MBOAT7: variants seen among roughly 807,000 people sequenced by gnomAD.
MBOAT7 encodes the protein membrane bound acylglycerophosphatidylinositol O-acyltransferase MBOAT7.
MBOAT7 carries 40 observed loss-of-function variants against 47.4 expected under a neutral mutation model. That is an observed-to-expected ratio of 0.84 (90% confidence interval 0.66 to 1.10). The LOEUF (loss-of-function observed/expected upper bound fraction) is 1.10. Ranked by LOEUF, MBOAT7 falls within the 50% of genes least tolerant of loss-of-function variation. MBOAT7 has a pLI of 0.00. For missense variants in MBOAT7, 680 were observed against 655.6 expected (o/e 1.04, Z -0.41); for synonymous variants, 361 against 292.0 (o/e 1.24, Z -2.41).
chr19:54,183,696 T>C lies in MBOAT7; in HGVS notation c.334-16A>G, dbSNP rs762414641. The C allele has an allele frequency of 3.5e-5, 54 of 1,532,090 alleles. No individual in the cohort carries two copies. Among genetic ancestry groups the C allele is most frequent in the Admixed American group, 2.4e-4 (11 of 46,720 alleles). 94.9% of individuals were successfully genotyped at this position (1,532,090 alleles called of 1,614,324 possible). A position where few individuals can be genotyped will look rare whatever the true frequency, so the allele number is the denominator to read the frequency against. ...GGCTCACCAGCTGGGCAGAAGGGGG[T>C]GGGCAAGGGGCCAGGTCAGACTCTG... is the stretch of plus-strand genomic sequence containing the variant. On this transcript the variant is annotated splice_polypyrimidine_tract_variant and intron_variant, in intron 4 of 7. Transcript: ENST00000245615.
intron 5 of MBOAT7, among the ~76,000 whole-genome samples, chr19:54,182,980 C>A (rs1465292821): frequency 2.0e-5 from 3 of 150,858 alleles, no homozygotes; most frequent in African/African-American, 7.3e-5. Flanking sequence ...GGATTACAGG[C>A]GTGAGCCACT....
chr19:54,181,697 AGGAGGGAAGGAAGAAGGGAG>A, intron 5 of MBOAT7, among the ~76,000 whole-genome samples: 1 of 73,438 alleles, frequency 1.4e-5, no homozygotes, highest in Non-Finnish European at 2.6e-5. Context: ...GAGGGAGGGA[AGGAGGGAAGGAAGAAGGGAG>A]GGAAGGAGGG....
intron 5 of MBOAT7, among the ~76,000 whole-genome samples, chr19:54,182,893 G>T (rs2076327834): frequency 6.6e-6 from 1 of 152,004 alleles, no homozygotes; most frequent in African/African-American, 2.4e-5. Context: ...TAGAGACGGG[G>T]TTTCACCATG....
At chr19:54,174,859 C>T (rs976911651) in intron 7 of MBOAT7, among the ~76,000 whole-genome samples, 5 of 152,186 alleles carry the variant, frequency 3.3e-5, no homozygotes, top group Non-Finnish European at 7.3e-5. Flanking sequence ...GAGCTCGCAG[C>T]CTTCCATACA....
chr19:54,181,245 G>T, intron 5 of MBOAT7, 112 bp from the exon 6 acceptor site: 1 of 1,310,250 alleles, frequency 7.6e-7, no homozygotes, highest in Non-Finnish European at 1.0e-6. Context: ...AGTGAGAGGG[G>T]CAGAGACTGG....
At position 54,174,271 on chromosome 19, in the gene MBOAT7, C is replaced by G; in HGVS notation, c.1192G>C (p.Val398Leu). ...SPGGQKAWDW[V>L]HWFLKMRAYD... ...GCGCGCATCTTCAGGAACCAGTGCA[C>G]CCAGTCCCAGGCCTTCTGGCCCCCT... Residue 398 changes from valine (V) to leucine (L), a missense_variant, in exon 8 of 8, where the codon GTG becomes CTG. Physicochemically the swap from Val to Leu is conservative, Grantham distance 32 (BLOSUM62 1). Coordinates refer to ENST00000245615, the MANE Select transcript of MBOAT7 (RefSeq NM_024298.5). 2 of 1,612,146 alleles carry G rather than the reference C, an allele frequency of 1.2e-6. No homozygotes were observed. Among genetic ancestry groups the G allele is most frequent in the South Asian group, 2.2e-5 (2 of 90,892 alleles).
At chr19:54,175,237 CA>C (rs2076073413) in intron 7 of MBOAT7, among the ~76,000 whole-genome samples, 1 of 152,160 alleles carries the variant, frequency 6.6e-6, no homozygotes, top group Non-Finnish European at 1.5e-5. Flanking sequence ...CTTGGCCTCC[CA>C]AAGTGCTGGG....
intron 4 of MBOAT7, among the ~76,000 whole-genome samples, chr19:54,185,741 G>A (rs1475438873): frequency 1.3e-5 from 2 of 152,076 alleles, no homozygotes; most frequent in Non-Finnish European, 2.9e-5. Context: ...GAAGGCCCAG[G>A]CTGGAGTGCA....
In MBOAT7 at chr19:54,188,059, AAGAAAGAAAGAC is replaced by A. The variant is rs1373193967; in HGVS notation, c.206+146_206+157del. Among the ~76,000 whole-genome samples the A allele has an allele frequency of 4.4e-3, 234 of 52,654 alleles. 2 individuals carry two copies. Among genetic ancestry groups the A allele is most frequent in the South Asian group, 0.034 (56 of 1,658 alleles). The allele number at this position is 52,654 out of a possible 152,430, so 34.5% of individuals were successfully genotyped here. ...AAAGAAAGAAAGAAAGAAAGAAAGA[AAGAAAGAAAGAC>A]AAACAAACAAACATGAAACAGAGAA... On this transcript the variant is annotated intron_variant, in intron 3 of 7. Coordinates refer to ENST00000245615, the MANE Select transcript of MBOAT7 (RefSeq NM_024298.5).
Position 54,174,412 on chromosome 19 carries a change from G to A in MBOAT7, c.1051C>T (p.Leu351=). ...YVLRSAWTML[L]SAYWHGLHPG... ...TGGAGGCCGTGCCAGTAGGCGCTCA[G>A]CAGCATGGTCCAGGCGCTCCTGAGG... Residue 351 remains leucine, a synonymous_variant, in exon 8 of 8, where the codon CTG becomes TTG. Coordinates refer to ENST00000245615, the MANE Select transcript of MBOAT7 (RefSeq NM_024298.5). 6.3e-7 allele frequency: 1 copy of A among 1,587,296 alleles called. No individual in the cohort carries two copies. The highest frequency in any genetic ancestry group is 8.6e-7 in the Non-Finnish European group (1 of 1,166,448).
rs950246692 is a variant in MBOAT7, at chr19:54,180,610, C to T, written c.854+163G>A. 41 of 656,440 alleles carry T rather than the reference C, an allele frequency of 6.2e-5. No individual in the cohort carries two copies. Among genetic ancestry groups the T allele is most frequent in the African/African-American group, 3.6e-4 (19 of 53,396 alleles). The allele number at this position is 656,440 out of a possible 1,614,324, so 40.7% of individuals were successfully genotyped here. A position where few individuals can be genotyped will look rare whatever the true frequency, so the allele number is the denominator to read the frequency against. Reference sequence around the variant, plus strand: ...TCAGTACCAGGGATCTTTTCCCTACCGACAGGGGCTGGCAGGCCATGGTTG... The same window carrying T: ...TCAGTACCAGGGATCTTTTCCCTACTGACAGGGGCTGGCAGGCCATGGTTG... On this transcript the variant is annotated intron_variant, in intron 6 of 7. Transcript: ENST00000245615. The surrounding 1 kb of genome is among the most constrained non-coding windows in gnomAD (Gnocchi z 5.2).
rs116202241 is a variant in MBOAT7 at position 54,177,186 on chromosome 19, A to C, written c.1031+1579T>G. 9.8e-3 allele frequency among the ~76,000 whole-genome samples: 608 copies of C among 62,054 alleles called. 1 individual carries two copies. The highest frequency in any genetic ancestry group is 0.031 in the African/African-American group (559 of 18,326). 40.7% of individuals were successfully genotyped at this position (62,054 alleles called of 152,430 possible). On this transcript the variant is annotated intron_variant, in intron 7 of 7. Coordinates refer to ENST00000245615, the MANE Select transcript of MBOAT7 (RefSeq NM_024298.5). ...ACTAATACTAATACTAATACTAATA[A>C]TAATATCCTTCTTACTCCCAAAACT... is the stretch of plus-strand genomic sequence containing the variant.
chr19:54,183,689 A>C lies in MBOAT7; in HGVS notation c.334-9T>G, dbSNP rs777177804. The C allele has an allele frequency of 7.1e-6, 11 of 1,542,768 alleles. No individual in the cohort carries two copies. Among genetic ancestry groups the C allele is most frequent in the Non-Finnish European group, 9.6e-6 (11 of 1,145,400 alleles). On this transcript the variant is annotated splice_polypyrimidine_tract_variant and intron_variant, in intron 4 of 7. Transcript: ENST00000245615. ...CTGGCCAGGCTCACCAGCTGGGCAG[A>C]AGGGGGTGGGCAAGGGGCCAGGTCA...
At chr19:54,188,156 G>C in intron 3 of MBOAT7, 61 bp downstream of exon 3, 2 of 1,512,582 alleles carry the variant, frequency 1.3e-6, no homozygotes, top group South Asian at 2.6e-5. Context: ...GACTCAAAGA[G>C]GAAACAGGTT....
intron 6 of MBOAT7, chr19:54,179,801 C>T (rs2076214492): frequency 6.6e-6 from 1 of 152,222 alleles, no homozygotes; most frequent in Non-Finnish European, 1.5e-5. Flanking sequence ...TTTGTGACGA[C>T]TAGGGGACAA....
chr19:54,187,185 G>C lies in MBOAT7; in HGVS notation c.309C>G (p.Ala103=). 1 of 1,585,338 alleles carries C rather than the reference G, an allele frequency of 6.3e-7. No homozygotes were observed. The highest frequency in any genetic ancestry group is 8.6e-7 in the Non-Finnish European group (1 of 1,167,906). The stretch of plus-strand genomic sequence containing the variant: ...CCTTCAGCGTCAGCAGCAGCTGGAC[G>C]GCATTGGTGAAGGGCGTGGGAGTGG... ...GLPTPTPFTN[A]VQLLLTLKLV... is the part of the protein sequence containing the mutation. The change falls in exon 4 of 8, where the codon GCC becomes GCG. Residue 103 remains alanine, a synonymous_variant. Coordinates refer to ENST00000245615, the MANE Select transcript of MBOAT7 (RefSeq NM_024298.5).
intron 4 of MBOAT7, among the ~76,000 whole-genome samples, chr19:54,183,953 C>T (rs952212771): frequency 2.0e-5 from 3 of 152,132 alleles, no homozygotes; most frequent in African/African-American, 7.2e-5. Context: ...AACGCTACCC[C>T]AGCCCCAGAC....
At position 54,183,514 on chromosome 19, in the gene MBOAT7, C is replaced by T; in HGVS notation, c.493+7G>A. On this transcript the variant is annotated splice_region_variant and intron_variant, in intron 5 of 7. Transcript: ENST00000245615. ...AGCGGCAGAGTTGTTAGGGCAGCCC[C>T]ACTCACCTGTCATGATTCCCACGTA... is the stretch of plus-strand genomic sequence containing the variant. 1 of 1,606,692 alleles carries T rather than the reference C, an allele frequency of 6.2e-7. No homozygotes were observed. Among genetic ancestry groups the T allele is most frequent in the Non-Finnish European group, 8.5e-7 (1 of 1,176,776 alleles).
chr19:54,181,985 AGGAAGGAGGGAGGGAG>A (rs2076298135), intron 5 of MBOAT7, among the ~76,000 whole-genome samples: 1 of 19,834 alleles, frequency 5.0e-5, no homozygotes, highest in African/African-American at 2.2e-4. Flanking sequence ...GAGGGAGGGA[AGGAAGGAGGGAGGGAG>A]GGAAGGAGGG....
Sources: gnomAD v4.1 joint callset for allele counts (sites outside exome capture counted in the v4.1 genomes callset) on GRCh38, gnomAD v4.1.1 for gene constraint, Gnocchi (gnomAD v3.1) non-coding constraint, MANE v1.5 for transcripts, NCBI Gene and HGNC (gene_info 2026-07-23, HGNC 2026-07-21) for gene names.